Variants in CAMK2D observed in about 807,000 individuals in gnomAD.
CAMK2D encodes calcium/calmodulin dependent protein kinase II delta, also known as calcium/calmodulin-dependent protein kinase type II subunit delta.
In CAMK2D, 37 loss-of-function variants were observed where a neutral mutation model predicts 84.0. That is an observed-to-expected ratio of 0.44 (90% CI 0.34 to 0.58). The LOEUF (loss-of-function observed/expected upper bound fraction) is 0.58. Among genes scored for constraint, CAMK2D ranks in the 20% least tolerant of loss-of-function variants. CAMK2D has a pLI of 0.02. For missense variants in CAMK2D, 448 were observed against 652.5 expected (o/e 0.69, Z 3.41); for synonymous variants, 202 against 212.5 (o/e 0.95, Z 0.43).
At chr4:113,463,440 G>A (rs998283265) in intron 17 of CAMK2D, among the ~76,000 whole-genome samples, 1 of 152,032 alleles carries the variant, frequency 6.6e-6, no homozygotes, top group South Asian at 2.1e-4. Flanking sequence ...GCAATGGTGC[G>A]ATCTCAGCTC....
At chr4:113,557,026 AG>A (rs1314407853) in intron 4 of CAMK2D, among the ~76,000 whole-genome samples, 3 of 152,150 alleles carry the variant, frequency 2.0e-5, no homozygotes, top group Non-Finnish European at 4.4e-5. Flanking sequence ...CAGGGTGAAG[AG>A]GCCCAACCAC....
chr4:113,536,704 TAA>T (rs1315545988), intron 7 of CAMK2D, among the ~76,000 whole-genome samples: 1 of 152,162 alleles, frequency 6.6e-6, no homozygotes, highest in Non-Finnish European at 1.5e-5. Context: ...AAACAAAACA[TAA>T]GTCTGGTTAG....
chr4:113,611,948 A>G (rs1396677730), intron 3 of CAMK2D, among the ~76,000 whole-genome samples: 2 of 152,160 alleles, frequency 1.3e-5, no homozygotes, highest in African/African-American at 4.8e-5. Context: ...CATCATATTT[A>G]CTTGGGATTA....
rs1265197217 is a variant in CAMK2D, at chr4:113,454,345, G to A, written c.*200C>T. ...TCCCCGTAGTTGAAGTGTAAACAAT[G>A]TATAGGAAGGAATATATGATAAGAT... On this transcript the variant is annotated 3_prime_UTR_variant, in exon 21 of 21. Coordinates refer to ENST00000511664, the MANE Select transcript of CAMK2D (RefSeq NM_001321571.2). The A allele has an allele frequency of 4.1e-6, 2 of 487,826 alleles. No homozygotes were observed. The highest frequency in any genetic ancestry group is 7.6e-6 in the Non-Finnish European group (2 of 264,214). The allele number at this position is 487,826 out of a possible 1,614,324, so 30.2% of individuals were successfully genotyped here.
Position 113,721,280 on chromosome 4 carries a change from T to C in CAMK2D, c.160+38040A>G, listed in dbSNP as rs573145257. Among the ~76,000 whole-genome samples the C allele has an allele frequency of 2.6e-5, 4 of 152,242 alleles. No homozygotes were observed. In the East Asian group the frequency reaches 5.8e-4, roughly 22 times the overall value. ...AAATTCTACAGATCAAGTTGAGATA[T>C]TAAGGTGATATTCAAGAAATAGCAA... On this transcript the variant is annotated intron_variant, in intron 2 of 20. Coordinates refer to ENST00000511664, the MANE Select transcript of CAMK2D (RefSeq NM_001321571.2).
intron 13 of CAMK2D, chr4:113,508,158 A>G: frequency 9.8e-7 from 1 of 1,021,834 alleles, no homozygotes; most frequent in Non-Finnish European, 1.5e-6. Flanking sequence ...ACTTACTTAC[A>G]CTATCTTAGG....
intron 13 of CAMK2D, among the ~76,000 whole-genome samples, chr4:113,508,868 G>C (rs2098168368): frequency 6.6e-6 from 1 of 152,142 alleles, no homozygotes; most frequent in Admixed American, 6.6e-5. Context: ...TGTTGATGAA[G>C]AATGTATGCA....
At chr4:113,533,377 T>G (rs1006298261) in intron 7 of CAMK2D, among the ~76,000 whole-genome samples, 14 of 152,236 alleles carry the variant, frequency 9.2e-5, no homozygotes, top group African/African-American at 3.1e-4. Context: ...AGACCTTCTC[T>G]GTGGGAAATT....
At chr4:113,574,233 T>G (rs2098769222) in intron 4 of CAMK2D, among the ~76,000 whole-genome samples, 1 of 152,178 alleles carries the variant, frequency 6.6e-6, no homozygotes, top group South Asian at 2.1e-4. Context: ...CTTCACCGTG[T>G]CTCACATAAA....
At chr4:113,634,796 A>G (rs541538018) in intron 3 of CAMK2D, among the ~76,000 whole-genome samples, 2 of 152,338 alleles carry the variant, frequency 1.3e-5, no homozygotes, top group South Asian at 2.1e-4. Flanking sequence ...TGGAACTTAC[A>G]TTACTATCTA....
At chr4:113,528,191 T>G (rs2098434996) in intron 8 of CAMK2D, among the ~76,000 whole-genome samples, 1 of 152,194 alleles carries the variant, frequency 6.6e-6, no homozygotes, top group Non-Finnish European at 1.5e-5. Flanking sequence ...AATGCATATA[T>G]CAGTTATCTA....
chr4:113,546,070 T>C (rs897112731), intron 6 of CAMK2D, among the ~76,000 whole-genome samples: 2 of 152,354 alleles, frequency 1.3e-5, no homozygotes, highest in African/African-American at 2.4e-5. Context: ...TTTAAAGTTA[T>C]GGAAGAGGAT....
At chr4:113,562,547 T>A (rs1398342047) in intron 4 of CAMK2D, among the ~76,000 whole-genome samples, 42 of 152,220 alleles carry the variant, frequency 2.8e-4, no homozygotes. Flanking sequence ...CCCATGTGAT[T>A]TCTAAGTGCA....
At chr4:113,523,077 C>A (rs1338533468) in intron 8 of CAMK2D, among the ~76,000 whole-genome samples, 1 of 152,170 alleles carries the variant, frequency 6.6e-6, no homozygotes, top group Non-Finnish European at 1.5e-5. Flanking sequence ...CAGTCTGTAA[C>A]CCTGAAGAGG....
intron 2 of CAMK2D, chr4:113,754,548 T>C (rs549715453): frequency 8.6e-5 from 84 of 974,510 alleles, no homozygotes; most frequent in Non-Finnish European, 9.9e-5. Context: ...TAAACAAAGT[T>C]CTCACACAAT....
At chr4:113,596,528 T>C (rs573068541) in intron 4 of CAMK2D, among the ~76,000 whole-genome samples, 54 of 152,328 alleles carry the variant, frequency 3.5e-4, no homozygotes, top group African/African-American at 1.3e-3. Flanking sequence ...AAAGATAATA[T>C]GACTCATTGA....
At chr4:113,653,329 C>G (rs564559609) in intron 3 of CAMK2D, among the ~76,000 whole-genome samples, 1 of 151,846 alleles carries the variant, frequency 6.6e-6, no homozygotes, top group South Asian at 2.1e-4. Flanking sequence ...GCCTTCTCAC[C>G]AAATAATCAT....
chr4:113,645,999 G>C (rs1561569751), intron 3 of CAMK2D, among the ~76,000 whole-genome samples: 1 of 152,220 alleles, frequency 6.6e-6, no homozygotes, highest in Non-Finnish European at 1.5e-5. Context: ...AGTAAAAAGA[G>C]GTTTGCTGAC....
intron 6 of CAMK2D, among the ~76,000 whole-genome samples, chr4:113,543,273 G>A (rs1000195061): frequency 3.9e-5 from 6 of 152,040 alleles, no homozygotes; most frequent in African/African-American, 1.4e-4. Context: ...ATTTGTTACT[G>A]CAACCTCACT....
Sources: allele counts gnomAD v4.1 joint callset (sites outside exome capture counted in the v4.1 genomes callset), GRCh38; gene constraint gnomAD v4.1.1; transcripts MANE v1.5; gene names NCBI Gene and HGNC (gene_info 2026-07-23, HGNC 2026-07-21).